The following STXBP5L variants were observed in gnomAD, a reference collection of about 807,000 sequenced individuals.
STXBP5L encodes syntaxin-binding protein 5-like.
In STXBP5L, 65 loss-of-function variants were observed where a neutral mutation model predicts 144.5. That is an observed-to-expected ratio of 0.45 (90% CI 0.37 to 0.55). The LOEUF (loss-of-function observed/expected upper bound fraction) is 0.55, where lower values mean the gene tolerates loss of function less well. Ranked by LOEUF, STXBP5L falls within the 20% of genes least tolerant of loss-of-function variation. The pLI, the probability that STXBP5L is intolerant of heterozygous loss-of-function variation, is 0.00. For synonymous variants in STXBP5L, 505 were observed against 469.6 expected (o/e 1.08, Z -0.97); for missense variants, 1,298 against 1,405.5 (o/e 0.92, Z 1.22).
At chr3:121,375,640 G>T (rs939979371) in intron 20 of STXBP5L, among the ~76,000 whole-genome samples, 5 of 152,200 alleles carry the variant, frequency 3.3e-5, no homozygotes, top group Non-Finnish European at 5.9e-5. Context: ...TTAAGTGTTT[G>T]ATAAATGTTA....
intron 3 of STXBP5L, among the ~76,000 whole-genome samples, chr3:120,978,026 G>A (rs188500950): frequency 6.2e-4 from 94 of 152,186 alleles, no homozygotes; most frequent in Middle Eastern, 3.4e-3. Context: ...ATGTGTCTTG[G>A]AGTTGCTCTT....
At chr3:120,948,625 G>T (rs940026729) in intron 2 of STXBP5L, among the ~76,000 whole-genome samples, 3 of 151,806 alleles carry the variant, frequency 2.0e-5, no homozygotes, top group Non-Finnish European at 2.9e-5. Context: ...TCATAGGTTA[G>T]CTCTTACTTA....
At chr3:121,307,167 A>G (rs1217096122) in intron 19 of STXBP5L, among the ~76,000 whole-genome samples, 2 of 152,216 alleles carry the variant, frequency 1.3e-5, no homozygotes, top group South Asian at 2.1e-4. Context: ...AGCAAACAGC[A>G]AAAACTGGAG....
rs775690082 is a variant in STXBP5L at position 121,041,683 on chromosome 3, G to A, written c.288-17G>A. ...TGCTAATTAAAATGTTAGAATCCTT[G>A]ACTTTTATTATATTAGACTCGGGAG... is the stretch of plus-strand genomic sequence containing the variant. On this transcript the variant is annotated splice_polypyrimidine_tract_variant and intron_variant, in intron 3 of 26. Coordinates refer to ENST00000471454, the MANE Select transcript of STXBP5L (RefSeq NM_001308330.2). 19 of 1,592,700 alleles carry A rather than the reference G, an allele frequency of 1.2e-5. No homozygotes were observed. In the Admixed American group the frequency reaches 3.2e-4, roughly 27 times the overall value.
chr3:120,969,708 T>C (rs1222089967), intron 3 of STXBP5L, among the ~76,000 whole-genome samples: 1 of 152,104 alleles, frequency 6.6e-6, no homozygotes, highest in African/African-American at 2.4e-5. Flanking sequence ...CTATATTGAC[T>C]TGATTTTTGT....
At position 121,396,043 on chromosome 3, in the gene STXBP5L, A is replaced by T. The variant is rs569217159; in HGVS notation, c.2588-11200A>T. Among the ~76,000 whole-genome samples the T allele has an allele frequency of 2.7e-4, 41 of 152,320 alleles. No homozygotes were observed. In the South Asian group the frequency reaches 8.5e-3, roughly 32 times the overall value. On this transcript the variant is annotated intron_variant, in intron 22 of 26. Transcript: ENST00000471454. ...ACAAGCATAACGTCTACTCCAAGTTATTATTTTACCTATTTCCCAACTTTT... is the reference window on the plus strand; with the variant it reads ...ACAAGCATAACGTCTACTCCAAGTTTTTATTTTACCTATTTCCCAACTTTT...
chr3:121,055,711 C>CT (rs983627930), intron 5 of STXBP5L, among the ~76,000 whole-genome samples: 3 of 151,350 alleles, frequency 2.0e-5, no homozygotes, highest in African/African-American at 7.3e-5. Flanking sequence ...TCTTACTATG[C>CT]TTTTTTTGAG....
chr3:121,051,422 A>T (rs953463317), intron 5 of STXBP5L, among the ~76,000 whole-genome samples: 10 of 152,204 alleles, frequency 6.6e-5, no homozygotes, highest in African/African-American at 2.4e-4. Flanking sequence ...AGAAGTCAGG[A>T]TTAAGAAACT....
intron 9 of STXBP5L, among the ~76,000 whole-genome samples, chr3:121,167,050 C>T (rs1017951707): frequency 6.6e-6 from 1 of 152,028 alleles, no homozygotes; most frequent in African/African-American, 2.4e-5. Context: ...TTTGAGGATA[C>T]CATTTCTGAA....
At chr3:121,338,674 AAG>A (rs1206245697) in intron 20 of STXBP5L, among the ~76,000 whole-genome samples, 24 of 151,652 alleles carry the variant, frequency 1.6e-4, no homozygotes, top group Admixed American at 3.9e-4. Flanking sequence ...GAAAAAAAGA[AAG>A]AGGAAGGAAA....
At chr3:121,046,365 TG>T in intron 5 of STXBP5L, among the ~76,000 whole-genome samples, 1 of 152,148 alleles carries the variant, frequency 6.6e-6, no homozygotes, top group Admixed American at 6.6e-5. Flanking sequence ...AGGATGAAGC[TG>T]GCCTCATAGA....
At chr3:121,117,911 T>TA (rs1280098708) in intron 6 of STXBP5L, among the ~76,000 whole-genome samples, 3 of 151,746 alleles carry the variant, frequency 2.0e-5, no homozygotes, top group African/African-American at 4.8e-5. Context: ...AAACTATCAT[T>TA]AAAAAATATT....
chr3:120,950,515 T>A (rs608249), intron 2 of STXBP5L, among the ~76,000 whole-genome samples: 80,277 of 151,944 alleles, frequency 0.53, 21,746 homozygotes, highest in African/African-American at 0.62. Context: ...GGATATCTAT[T>A]TAAATTTTAG....
At chr3:121,351,786 A>T (rs2045292167) in intron 20 of STXBP5L, among the ~76,000 whole-genome samples, 2 of 152,104 alleles carry the variant, frequency 1.3e-5, no homozygotes, top group Admixed American at 6.5e-5. Context: ...GGTATTGCCT[A>T]GGTTTTCTTC....
rs148236737 is a variant in STXBP5L, at chr3:121,350,960, G to A, written c.2177-27756G>A. Among the ~76,000 whole-genome samples the A allele has an allele frequency of 4.2e-3, 634 of 152,206 alleles. 8 individuals carry two copies. The highest frequency in any genetic ancestry group is 0.013 in the African/African-American group (541 of 41,496). ...ATCTGAAGCCTTCTTCTCTCAACTCGTCAAAATCATTCTCTGTCCAGCTTT... is the reference window on the plus strand; with the variant it reads ...ATCTGAAGCCTTCTTCTCTCAACTCATCAAAATCATTCTCTGTCCAGCTTT... On this transcript the variant is annotated intron_variant, in intron 20 of 26. Coordinates refer to ENST00000471454, the MANE Select transcript of STXBP5L (RefSeq NM_001308330.2).
chr3:120,964,486 G>C (rs1345841801), intron 3 of STXBP5L, among the ~76,000 whole-genome samples: 1 of 151,990 alleles, frequency 6.6e-6, no homozygotes, highest in Non-Finnish European at 1.5e-5. Context: ...TGTTCTCATT[G>C]GTTTCAAAGA....
chr3:121,343,814 C>T (rs2044833332), intron 20 of STXBP5L, among the ~76,000 whole-genome samples: 1 of 152,064 alleles, frequency 6.6e-6, no homozygotes, highest in Non-Finnish European at 1.5e-5. Flanking sequence ...GTGAAAATGG[C>T]CGTACTGCCC....
intron 3 of STXBP5L, among the ~76,000 whole-genome samples, chr3:121,029,030 G>C (rs1353171117): frequency 4.6e-5 from 7 of 151,980 alleles, no homozygotes; most frequent in Non-Finnish European, 1.0e-4. Context: ...AAATAAGAGA[G>C]GACACAAACA....
chr3:120,920,202 G>A lies in STXBP5L; in HGVS notation c.189+10435G>A, dbSNP rs145610192. Reference sequence around the variant, plus strand: ...TTATTCACCAATTTCTTTTTGAAAGGATTGGAAAGTATTTAATCTGGGTCA... The same window carrying A: ...TTATTCACCAATTTCTTTTTGAAAGAATTGGAAAGTATTTAATCTGGGTCA... On this transcript the variant is annotated intron_variant, in intron 2 of 26. Coordinates refer to ENST00000471454, the MANE Select transcript of STXBP5L (RefSeq NM_001308330.2). Among the ~76,000 whole-genome samples the A allele has an allele frequency of 5.4e-3, 819 of 151,746 alleles. 4 individuals are homozygous for A. The highest frequency in any genetic ancestry group is 8.3e-3 in the Non-Finnish European group (564 of 67,698).
Sources: allele counts gnomAD v4.1 joint callset (sites outside exome capture counted in the v4.1 genomes callset), GRCh38; gene constraint gnomAD v4.1.1; transcripts MANE v1.5; gene names NCBI Gene and HGNC (gene_info 2026-07-23, HGNC 2026-07-21).